Variants in MTARC2 observed in about 807,000 individuals in gnomAD.
MTARC2 encodes the protein mitochondrial amidoxime reducing component 2, also known as MOCO sulphurase C-terminal domain containing 2.
Under a neutral mutation model 35.6 loss-of-function variants are expected in MTARC2, and 27 were observed. That is an observed-to-expected ratio of 0.76 (90% CI 0.56 to 1.04). The LOEUF is 1.04. Ranked by LOEUF, MTARC2 falls within the 50% of genes least tolerant of loss-of-function variation. MTARC2 has a pLI of 0.00. For synonymous variants in MTARC2, 158 were observed against 167.1 expected, an observed-to-expected ratio of 0.95 and a Z score of 0.42; for missense variants, 412 against 432.5, an observed-to-expected ratio of 0.95 and a Z score of 0.42.
intron 4 of MTARC2, among the ~76,000 whole-genome samples, chr1:220,769,599 G>C (rs12021979): frequency 0.013 from 2,013 of 152,212 alleles, 32 homozygotes; most frequent in East Asian, 0.062. Flanking sequence ...TGCCTGGAGA[G>C]CAGAGTGGCC....
intron 4 of MTARC2, among the ~76,000 whole-genome samples, chr1:220,774,893 C>T (rs1671851534): frequency 6.6e-6 from 1 of 150,794 alleles, no homozygotes; most frequent in Non-Finnish European, 1.5e-5. Flanking sequence ...TCTGTATCTA[C>T]TTCCTCTGTC....
chr1:220,756,413 A>C (rs1671282539), intron 2 of MTARC2: 1 of 152,254 alleles, frequency 6.6e-6, no homozygotes, highest in African/African-American at 2.4e-5. Flanking sequence ...CACTGAATTC[A>C]GTATTTCAGG....
intron 4 of MTARC2, among the ~76,000 whole-genome samples, chr1:220,772,976 C>T (rs560903817): frequency 2.0e-5 from 3 of 152,230 alleles, no homozygotes; most frequent in South Asian, 2.1e-4. Context: ...TGGAATTTCC[C>T]GAGTGACGGG....
intron 7 of MTARC2, among the ~76,000 whole-genome samples, chr1:220,783,643 A>G (rs1023962432): frequency 1.3e-5 from 2 of 152,222 alleles, no homozygotes; most frequent in African/African-American, 4.8e-5. Context: ...TGCTGCCCAG[A>G]AGGCCTTGTG....
chr1:220,773,369 C>T (rs911814131), intron 4 of MTARC2, among the ~76,000 whole-genome samples: 2 of 152,216 alleles, frequency 1.3e-5, no homozygotes, highest in African/African-American at 4.8e-5. Flanking sequence ...CCTCCATCCC[C>T]ATCCCTTGCC....
At chr1:220,769,372 T>C (rs888168239) in intron 4 of MTARC2, among the ~76,000 whole-genome samples, 1 of 152,202 alleles carries the variant, frequency 6.6e-6, no homozygotes, top group Non-Finnish European at 1.5e-5. Context: ...ACAGGAGACC[T>C]GCAGTGAGAT....
At chr1:220,776,330 G>A (rs1180419083) in intron 4 of MTARC2, among the ~76,000 whole-genome samples, 2 of 152,104 alleles carry the variant, frequency 1.3e-5, no homozygotes, top group Non-Finnish European at 2.9e-5. Flanking sequence ...CTTCCTTTGA[G>A]AAGACACTGG....
intron 7 of MTARC2, among the ~76,000 whole-genome samples, chr1:220,783,511 C>T (rs1333946476): frequency 6.6e-6 from 1 of 152,164 alleles, no homozygotes; most frequent in African/African-American, 2.4e-5. Context: ...CTGTGAGATA[C>T]CATAACGATT....
chr1:220,773,598 G>A (rs1572313034), intron 4 of MTARC2, among the ~76,000 whole-genome samples: 2 of 152,138 alleles, frequency 1.3e-5, no homozygotes, highest in Admixed American at 6.5e-5. Context: ...GTAGGACTGA[G>A]CCCTTACCTA....
chr1:220,756,827 GA>G (rs1179683982), intron 2 of MTARC2, among the ~76,000 whole-genome samples: 1 of 152,238 alleles, frequency 6.6e-6, no homozygotes, highest in East Asian at 1.9e-4. Context: ...TTCCTGGATG[GA>G]AAGAGGGAAA....
In MTARC2 at chr1:220,753,644, G is replaced by A. The variant is rs377223511; in HGVS notation, c.273-1303G>A. 1.2e-4 allele frequency among the ~76,000 whole-genome samples: 19 copies of A among 152,320 alleles called. No individual in the cohort carries two copies. The East Asian group carries it at 2.7e-3, about 22-fold the overall frequency. ...GCCGCCCCTGCTTCTGGAAGGGGCTGTGCTTTTTATCCTCCTCACATTTGG... is the reference window on the plus strand; with the variant it reads ...GCCGCCCCTGCTTCTGGAAGGGGCTATGCTTTTTATCCTCCTCACATTTGG... On this transcript the variant is annotated intron_variant, in intron 1 of 7. Coordinates refer to ENST00000366913, the MANE Select transcript of MTARC2 (RefSeq NM_017898.5).
rs940066454 is a variant in MTARC2 at position 220,774,070 on chromosome 1, C to T, written c.751-5948C>T. Among the ~76,000 whole-genome samples the T allele has an allele frequency of 3.5e-5, 5 of 144,022 alleles. No individual in the cohort carries two copies. The East Asian group carries it at 8.9e-4, about 26-fold the overall frequency. 94.5% of individuals were successfully genotyped at this position (144,022 alleles called of 152,430 possible). On this transcript the variant is annotated intron_variant, in intron 4 of 7. Coordinates refer to ENST00000366913, the MANE Select transcript of MTARC2 (RefSeq NM_017898.5). ...GTTAATAGATATAGACTCACATCCT[C>T]GTTTTTTTTTTTTCAGACAGGGTCT...
intron 1 of MTARC2, among the ~76,000 whole-genome samples, chr1:220,753,049 C>CT (rs1463473827): frequency 1.2e-5 from 1 of 82,286 alleles, no homozygotes; most frequent in African/African-American, 8.0e-5. Flanking sequence ...CCTGTCTCTA[C>CT]TAAAAAAAAA....
At chr1:220,778,265 A>AAAG (rs1553254996) in intron 4 of MTARC2, among the ~76,000 whole-genome samples, 25 of 138,540 alleles carry the variant, frequency 1.8e-4, no homozygotes, top group Middle Eastern at 3.6e-3. Context: ...AAAAAAAAAA[A>AAAG]AAAGAAAGAA....
At chr1:220,774,895 TCCTC>T (rs1478577513) in intron 4 of MTARC2, among the ~76,000 whole-genome samples, 1 of 150,412 alleles carries the variant, frequency 6.6e-6, no homozygotes, top group African/African-American at 2.5e-5. Context: ...TGTATCTACT[TCCTC>T]TGTCTGTGTG....
chr1:220,749,873 C>T (rs779879843), intron 1 of MTARC2, among the ~76,000 whole-genome samples: 2 of 152,186 alleles, frequency 1.3e-5, no homozygotes, highest in African/African-American at 4.8e-5. Context: ...CGCGGATGCA[C>T]TGTTTTCTGA....
intron 2 of MTARC2, among the ~76,000 whole-genome samples, chr1:220,757,124 A>G (rs985513626): frequency 1.4e-4 from 22 of 152,092 alleles, no homozygotes; most frequent in African/African-American, 3.9e-4. Flanking sequence ...CTGGTTTCGA[A>G]CTCCTGACCT....
Position 220,784,183 on chromosome 1 carries a change from A to G in MTARC2, c.*296A>G. 2.3e-6 allele frequency: 1 copy of G among 434,790 alleles called. No homozygotes were observed. Among genetic ancestry groups the G allele is most frequent in the Non-Finnish European group, 4.1e-6 (1 of 243,642 alleles). 26.9% of individuals were successfully genotyped at this position (434,790 alleles called of 1,614,324 possible). On this transcript the variant is annotated 3_prime_UTR_variant, in exon 8 of 8. Coordinates refer to ENST00000366913, the MANE Select transcript of MTARC2 (RefSeq NM_017898.5). ...TGCTATTTTGAATGTTATCATGGCT[A>G]TTACACTTTTACTTCCTGACTTTAA...
At position 220,783,930 on chromosome 1, in the gene MTARC2, CAGGAGGG is replaced by C. The variant is rs1283291147; in HGVS notation, c.*45_*51del. ...TATTATTTATTCAGGCTTCAGCAACCAGGAGGGATTGACTGAGATCTTAACAACAGCA... is the reference window on the plus strand; with the variant it reads ...TATTATTTATTCAGGCTTCAGCAACCATTGACTGAGATCTTAACAACAGCA... On this transcript the variant is annotated 3_prime_UTR_variant, in exon 8 of 8. Coordinates refer to ENST00000366913, the MANE Select transcript of MTARC2 (RefSeq NM_017898.5). The C allele has an allele frequency of 5.6e-6, 4 of 717,246 alleles. No individual in the cohort carries two copies. Among genetic ancestry groups the C allele is most frequent in the Non-Finnish European group, 1.0e-5 (4 of 385,078 alleles). The allele number at this position is 717,246 out of a possible 1,614,324, so 44.4% of individuals were successfully genotyped here.
Sources: allele counts gnomAD v4.1 joint callset (sites outside exome capture counted in the v4.1 genomes callset), GRCh38; gene constraint gnomAD v4.1.1; transcripts MANE v1.5; gene names NCBI Gene and HGNC (gene_info 2026-07-23, HGNC 2026-07-21).